Variants in CPA6 observed in about 807,000 individuals in gnomAD.
CPA6 encodes the protein carboxypeptidase B.
Under a neutral mutation model 63.3 loss-of-function variants are expected in CPA6, and 58 were observed. The observed-to-expected ratio is 0.92, with a 90% CI of 0.74 to 1.14. The LOEUF (loss-of-function observed/expected upper bound fraction) is 1.14. Ranked by LOEUF, CPA6 falls within the 50% of genes most tolerant of loss-of-function variation. CPA6 has a pLI of 0.00. For missense variants in CPA6, 565 were observed against 526.6 expected, an observed-to-expected ratio of 1.07 and a Z score of -0.71; for synonymous variants, 185 against 179.0, an observed-to-expected ratio of 1.03 and a Z score of -0.27.
chr8:67,477,699 A>G (rs1435378065), intron 8 of CPA6, among the ~76,000 whole-genome samples: 1 of 152,256 alleles, frequency 6.6e-6, no homozygotes, highest in Non-Finnish European at 1.5e-5. Context: ...ACGCATCAAC[A>G]CGTCATTCTC....
intron 2 of CPA6, among the ~76,000 whole-genome samples, chr8:67,623,525 A>T (rs564685784): frequency 6.6e-6 from 1 of 152,052 alleles, no homozygotes; most frequent in Non-Finnish European, 1.5e-5. Flanking sequence ...GCAACCTCCC[A>T]GGTTCAACTG....
At chr8:67,602,655 C>A (rs1814525673) in intron 2 of CPA6, among the ~76,000 whole-genome samples, 1 of 152,282 alleles carries the variant, frequency 6.6e-6, no homozygotes, top group Non-Finnish European at 1.5e-5. Context: ...CAGTTCACTG[C>A]CAGATCTTAG....
At position 67,694,937 on chromosome 8, in the gene CPA6, G is replaced by A. The variant is rs73683176; in HGVS notation, c.116+51077C>T. On this transcript the variant is annotated intron_variant, in intron 1 of 10. Coordinates refer to ENST00000297770, the MANE Select transcript of CPA6 (RefSeq NM_020361.5). ...GCTGTACCCAGTGGCTTGGCTGGAT[G>A]GTTAGGAGCTTGGAAGGAACATGAT... Among the ~76,000 whole-genome samples, 1,084 of 152,184 alleles carry A rather than the reference G, an allele frequency of 7.1e-3. 17 individuals are homozygous for A. The highest frequency in any genetic ancestry group is 0.025 in the African/African-American group (1,025 of 41,518).
At chr8:67,672,199 A>G (rs1261923113) in intron 1 of CPA6, among the ~76,000 whole-genome samples, 2 of 152,240 alleles carry the variant, frequency 1.3e-5, no homozygotes, top group South Asian at 2.1e-4. Flanking sequence ...AAAGTATTTC[A>G]GTATATTGTA....
intron 2 of CPA6, among the ~76,000 whole-genome samples, chr8:67,584,565 C>A (rs1813873735): frequency 6.6e-6 from 1 of 152,094 alleles, no homozygotes; most frequent in Non-Finnish European, 1.5e-5. Context: ...AAGGTAGTAA[C>A]AGCCCCCAGA....
chr8:67,624,635 A>G (rs1429217304), intron 1 of CPA6, among the ~76,000 whole-genome samples: 1 of 152,200 alleles, frequency 6.6e-6, no homozygotes, highest in African/African-American at 2.4e-5. Flanking sequence ...ATAATGCTGA[A>G]AAGGAATGTG....
At chr8:67,546,647 T>G (rs1812824097) in intron 2 of CPA6, among the ~76,000 whole-genome samples, 2 of 152,170 alleles carry the variant, frequency 1.3e-5, no homozygotes, top group Non-Finnish European at 2.9e-5. Context: ...TCCAGAGTTC[T>G]TGATTCAGTA....
intron 2 of CPA6, among the ~76,000 whole-genome samples, chr8:67,557,110 T>C (rs1813080803): frequency 6.6e-6 from 1 of 152,324 alleles, no homozygotes; most frequent in South Asian, 2.1e-4. Context: ...GTTTATATAA[T>C]AGGATTCTTT....
intron 8 of CPA6, among the ~76,000 whole-genome samples, chr8:67,462,411 C>A (rs1455019880): frequency 6.6e-6 from 1 of 152,108 alleles, no homozygotes; most frequent in African/African-American, 2.4e-5. Flanking sequence ...CTTAACTAGT[C>A]CTCTGTTGAG....
chr8:67,592,192 C>T (rs1383070736), intron 2 of CPA6, among the ~76,000 whole-genome samples: 10 of 152,242 alleles, frequency 6.6e-5, no homozygotes, highest in Admixed American at 1.3e-4. Flanking sequence ...ATTACATTTA[C>T]TGATTTGCAT....
chr8:67,546,744 C>T (rs538707421), intron 2 of CPA6, among the ~76,000 whole-genome samples: 1 of 152,186 alleles, frequency 6.6e-6, no homozygotes, highest in Admixed American at 6.5e-5. Context: ...TGGCCTCAAA[C>T]TTGGGCTCAA....
chr8:67,580,381 C>T (rs947912983), intron 2 of CPA6, among the ~76,000 whole-genome samples: 1 of 152,160 alleles, frequency 6.6e-6, no homozygotes, highest in African/African-American at 2.4e-5. Context: ...CTTTGATTGC[C>T]ATTAGCTTTG....
chr8:67,634,222 T>G (rs558207126), intron 1 of CPA6, among the ~76,000 whole-genome samples: 1 of 139,730 alleles, frequency 7.2e-6, no homozygotes, highest in Non-Finnish European at 1.5e-5. Context: ...TATTATTATT[T>G]ATTTGTTTTT....
intron 8 of CPA6, among the ~76,000 whole-genome samples, chr8:67,481,509 G>A (rs1195560253): frequency 6.6e-6 from 1 of 152,170 alleles, no homozygotes; most frequent in Non-Finnish European, 1.5e-5. Flanking sequence ...ACGCACTAAA[G>A]CATAACCACT....
intron 2 of CPA6, among the ~76,000 whole-genome samples, chr8:67,608,060 C>T (rs1340071841): frequency 6.6e-6 from 1 of 152,166 alleles, no homozygotes; most frequent in Non-Finnish European, 1.5e-5. Flanking sequence ...GTTATCCAGG[C>T]TGCAGAAGAG....
chr8:67,537,101 A>T (rs1812601618), intron 2 of CPA6, among the ~76,000 whole-genome samples: 1 of 152,140 alleles, frequency 6.6e-6, no homozygotes, highest in Non-Finnish European at 1.5e-5. Flanking sequence ...GTTTGCCTGT[A>T]TTTTATTGAG....
intron 1 of CPA6, among the ~76,000 whole-genome samples, chr8:67,683,098 A>G (rs1816632269): frequency 6.6e-6 from 1 of 152,122 alleles, no homozygotes; most frequent in Non-Finnish European, 1.5e-5. Flanking sequence ...TGCTTCCTGG[A>G]CAGTCCCTCT....
At chr8:67,492,286 A>C (rs1409315447) in intron 6 of CPA6, among the ~76,000 whole-genome samples, 1 of 152,228 alleles carries the variant, frequency 6.6e-6, no homozygotes, top group Non-Finnish European at 1.5e-5. Flanking sequence ...ACCTGGCAAC[A>C]CTTCACATTA....
chr8:67,556,616 C>A (rs1176894922), intron 2 of CPA6, among the ~76,000 whole-genome samples: 2 of 152,216 alleles, frequency 1.3e-5, no homozygotes, highest in Non-Finnish European at 2.9e-5. Context: ...AGTCTACTTT[C>A]AGCTTAGTTA....
Sources: gnomAD v4.1 joint callset for allele counts (sites outside exome capture counted in the v4.1 genomes callset) on GRCh38, gnomAD v4.1.1 for gene constraint, MANE v1.5 for transcripts, NCBI Gene and HGNC (gene_info 2026-07-23, HGNC 2026-07-21) for gene names.